Variants in PPM1L observed in about 807,000 individuals in gnomAD.
PPM1L encodes the protein protein phosphatase, Mg2+/Mn2+ dependent 1L, also known as protein phosphatase 1L.
In PPM1L, 13 loss-of-function variants were observed where a neutral mutation model predicts 31.4. The observed-to-expected ratio is 0.41, with a 90% CI of 0.27 to 0.66. The LOEUF is 0.66. Ranked by LOEUF, PPM1L falls within the 30% of genes least tolerant of loss-of-function variation. PPM1L has a pLI of 0.29. For missense variants in PPM1L, 326 were observed against 453.7 expected (o/e 0.72, Z 2.56); for synonymous variants, 184 against 175.4 (o/e 1.05, Z -0.39).
At chr3:160,980,040 G>A (rs1277203377) in intron 2 of PPM1L, among the ~76,000 whole-genome samples, 1 of 151,934 alleles carries the variant, frequency 6.6e-6, no homozygotes, top group Non-Finnish European at 1.5e-5. Flanking sequence ...GCCAGAACTG[G>A]TTCCAGATTC....
chr3:160,820,585 C>T lies in PPM1L; in HGVS notation c.399+63878C>T, dbSNP rs186036573. 2.0e-3 allele frequency among the ~76,000 whole-genome samples: 299 copies of T among 152,076 alleles called. 1 individual carries two copies. The highest frequency in any genetic ancestry group is 6.8e-3 in the Middle Eastern group (2 of 294). ...CAACTTTTACTACATTTGCATGTTG[C>T]GCTAAGATAGATATTTATAGTATTG... On this transcript the variant is annotated intron_variant, in intron 1 of 3. Coordinates refer to ENST00000498165, the MANE Select transcript of PPM1L (RefSeq NM_139245.4).
chr3:160,768,351 T>C (rs529706920), intron 1 of PPM1L, among the ~76,000 whole-genome samples: 2 of 152,316 alleles, frequency 1.3e-5, no homozygotes, highest in African/African-American at 4.8e-5. Context: ...AAGAAATTCA[T>C]CTCTGTATGT....
At chr3:160,851,104 C>T (rs1398009734) in intron 1 of PPM1L, among the ~76,000 whole-genome samples, 4 of 152,048 alleles carry the variant, frequency 2.6e-5, no homozygotes, top group African/African-American at 4.8e-5. Flanking sequence ...TACCACTGTA[C>T]GACCAGATAG....
intron 1 of PPM1L, among the ~76,000 whole-genome samples, chr3:160,886,949 G>A (rs1712937513): frequency 6.6e-6 from 1 of 152,020 alleles, no homozygotes; most frequent in South Asian, 2.1e-4. Flanking sequence ...ATGCAAAGAA[G>A]CTAAGAACCT....
intron 1 of PPM1L, among the ~76,000 whole-genome samples, chr3:160,889,702 A>G (rs1713063182): frequency 6.6e-6 from 1 of 152,224 alleles, no homozygotes; most frequent in Admixed American, 6.5e-5. Context: ...CACGCAAAAA[A>G]ACAAAACTTC....
chr3:160,871,276 C>T (rs1183229604), intron 1 of PPM1L, among the ~76,000 whole-genome samples: 2 of 152,066 alleles, frequency 1.3e-5, no homozygotes, highest in African/African-American at 4.8e-5. Flanking sequence ...AAGTATGTAA[C>T]AGTGGGATCT....
At chr3:160,983,388 G>T (rs1024979752) in intron 2 of PPM1L, among the ~76,000 whole-genome samples, 5 of 151,454 alleles carry the variant, frequency 3.3e-5, no homozygotes, top group Admixed American at 6.6e-5. Flanking sequence ...AAATGAGCTT[G>T]TCTAAAAATA....
intron 1 of PPM1L, among the ~76,000 whole-genome samples, chr3:160,757,088 T>C (rs1053715450): frequency 1.3e-5 from 2 of 152,196 alleles, no homozygotes; most frequent in Non-Finnish European, 2.9e-5. Context: ...GCCCTTGTTC[T>C]AGGGTTTGAG....
Position 161,076,319 on chromosome 3 carries a change from A to C in PPM1L, c.*7162A>C. The stretch of plus-strand genomic sequence containing the variant: ...AAATCCTGCTCTGTGGAGAAAAGCT[A>C]GAACCATGGGACATTAAGCAAGAAT... On this transcript the variant is annotated 3_prime_UTR_variant, in exon 4 of 4. Coordinates refer to ENST00000498165, the MANE Select transcript of PPM1L (RefSeq NM_139245.4). 1 of 152,234 alleles carries C rather than the reference A, an allele frequency of 6.6e-6. No individual in the cohort carries two copies. The highest frequency in any genetic ancestry group is 3.2e-3 in the Middle Eastern group (1 of 316). 9.4% of individuals were successfully genotyped at this position (152,234 alleles called of 1,614,324 possible). A position where few individuals can be genotyped will look rare whatever the true frequency, so the allele number is the denominator to read the frequency against.
intron 1 of PPM1L, among the ~76,000 whole-genome samples, chr3:160,824,019 G>A (rs1713281510): frequency 6.6e-6 from 1 of 152,100 alleles, no homozygotes; most frequent in Non-Finnish European, 1.5e-5. Flanking sequence ...ATTTCAAAAA[G>A]AGATATAAAT....
chr3:160,912,350 T>C (rs1714005810), intron 1 of PPM1L, among the ~76,000 whole-genome samples: 2 of 152,202 alleles, frequency 1.3e-5, no homozygotes, highest in Non-Finnish European at 2.9e-5. Context: ...TGGTGTTGCA[T>C]TTACAAAGGG....
At chr3:161,064,195 A>C (rs1364402326) in intron 2 of PPM1L, among the ~76,000 whole-genome samples, 1 of 152,036 alleles carries the variant, frequency 6.6e-6, no homozygotes, top group African/African-American at 2.4e-5. Context: ...TAAAAAAAAA[A>C]AAAAAGAATT....
chr3:160,987,362 G>A (rs1006093626), intron 2 of PPM1L, among the ~76,000 whole-genome samples: 2 of 152,146 alleles, frequency 1.3e-5, no homozygotes, highest in Non-Finnish European at 2.9e-5. Context: ...ATTCTAGTCT[G>A]AATACTAGCT....
chr3:160,773,276 T>C (rs1711501047), intron 1 of PPM1L, among the ~76,000 whole-genome samples: 1 of 152,200 alleles, frequency 6.6e-6, no homozygotes. Context: ...TCATGTATAT[T>C]TTAGAAGATG....
rs541750044 is a variant in PPM1L at position 161,044,319 on chromosome 3, C to T, written c.575-21084C>T. On this transcript the variant is annotated intron_variant, in intron 2 of 3. Transcript: ENST00000498165. ...CCTCCTAAAGTGCTGGGGTTACAGA[C>T]GTGAGCCACTGCACCTGGCCTGCCC... 3.3e-5 allele frequency among the ~76,000 whole-genome samples: 5 copies of T among 151,990 alleles called. No individual in the cohort carries two copies. In the East Asian group the frequency reaches 7.8e-4, roughly 24 times the overall value.
rs1193489673 is a variant in PPM1L at position 160,775,281 on chromosome 3, T to TAA, written c.399+18574_399+18575insAA. Reference sequence around the variant, plus strand: ...GTTCCAGTCCCATGCTCTCCTTTGCTGTGTGCCAATAGGCCTGGTTTGTTA... The same window carrying TAA: ...GTTCCAGTCCCATGCTCTCCTTTGCTAAGTGTGCCAATAGGCCTGGTTTGTTA... On this transcript the variant is annotated intron_variant, in intron 1 of 3. Transcript: ENST00000498165. Among the ~76,000 whole-genome samples, 3 of 152,338 alleles carry TAA rather than the reference T, an allele frequency of 2.0e-5. No individual in the cohort carries two copies. In the East Asian group the frequency reaches 5.8e-4, roughly 29 times the overall value.
intron 1 of PPM1L, among the ~76,000 whole-genome samples, chr3:160,800,689 A>G (rs890358204): frequency 6.6e-6 from 1 of 152,132 alleles, no homozygotes; most frequent in Non-Finnish European, 1.5e-5. Flanking sequence ...TTTGTCATAT[A>G]TCTTTAAAAC....
chr3:160,967,835 A>G (rs1406590489), intron 2 of PPM1L, among the ~76,000 whole-genome samples: 1 of 152,090 alleles, frequency 6.6e-6, no homozygotes, highest in Admixed American at 6.6e-5. Flanking sequence ...GCAAGTCACA[A>G]ACCTTCCTAA....
At chr3:160,830,202 G>A (rs1271678175) in intron 1 of PPM1L, among the ~76,000 whole-genome samples, 1 of 152,086 alleles carries the variant, frequency 6.6e-6, no homozygotes, top group Non-Finnish European at 1.5e-5. Flanking sequence ...CATTGTTGTA[G>A]CTACTATTAT....
Sources: gnomAD v4.1 joint callset for allele counts (sites outside exome capture counted in the v4.1 genomes callset) on GRCh38, gnomAD v4.1.1 for gene constraint, MANE v1.5 for transcripts, NCBI Gene and HGNC (gene_info 2026-07-23, HGNC 2026-07-21) for gene names.